Variants in CSMD1 observed in about 807,000 individuals in gnomAD.
CSMD1 encodes CUB and sushi domain-containing protein 1.
Under a neutral mutation model 417.5 loss-of-function variants are expected in CSMD1, and 213 were observed. That is an observed-to-expected ratio of 0.51 (90% CI 0.46 to 0.57). The LOEUF (loss-of-function observed/expected upper bound fraction) is 0.57, where lower values mean the gene tolerates loss of function less well. Among genes scored for constraint, CSMD1 ranks in the 20% least tolerant of loss-of-function variants. CSMD1 has a pLI of 0.00. For synonymous variants in CSMD1, 2,862 were observed against 1,736.8 expected (o/e 1.65, Z -16.11); for missense variants, 6,923 against 4,529.7 (o/e 1.53, Z -15.17).
rs988263430 is a variant in CSMD1 at position 4,146,818 on chromosome 8, G to T, written c.416-114719C>A. Among the ~76,000 whole-genome samples the T allele has an allele frequency of 2.7e-5, 4 of 149,516 alleles. No individual in the cohort carries two copies. The South Asian group carries it at 8.3e-4, about 31-fold the overall frequency. On this transcript the variant is annotated intron_variant, in intron 3 of 69. Transcript: ENST00000635120. Reference sequence around the variant, plus strand: ...AGTAGAGACGAGTTTCACCGTGTTAGGCAGGATAGTCTCGATCTCCTGACC... The same window carrying T: ...AGTAGAGACGAGTTTCACCGTGTTATGCAGGATAGTCTCGATCTCCTGACC...
chr8:4,423,498 G>A (rs573802457), intron 2 of CSMD1, among the ~76,000 whole-genome samples: 1 of 151,930 alleles, frequency 6.6e-6, no homozygotes, highest in Non-Finnish European at 1.5e-5. Context: ...AATAAGATAA[G>A]CCCAACAGTG....
chr8:3,576,167 C>T (rs1053220115), intron 9 of CSMD1, among the ~76,000 whole-genome samples: 1 of 152,016 alleles, frequency 6.6e-6, no homozygotes, highest in South Asian at 2.1e-4. Flanking sequence ...GGACTTGTGA[C>T]TTAACAAGGG....
chr8:4,079,248 C>A (rs922557122), intron 3 of CSMD1, among the ~76,000 whole-genome samples: 6 of 151,954 alleles, frequency 3.9e-5, no homozygotes, highest in Non-Finnish European at 7.4e-5. Context: ...TAGATATAGC[C>A]CATGGAGAAT....
At chr8:4,311,918 T>G (rs948507171) in intron 3 of CSMD1, among the ~76,000 whole-genome samples, 1 of 151,960 alleles carries the variant, frequency 6.6e-6, no homozygotes, top group East Asian at 1.9e-4. Context: ...ATGACACTTA[T>G]TTACCTGTGT....
chr8:4,952,112 G>T lies in CSMD1; in HGVS notation c.85+42220C>A, dbSNP rs139113754. 9.3e-3 allele frequency among the ~76,000 whole-genome samples: 1,411 copies of T among 151,808 alleles called. 14 individuals are homozygous for T. Among genetic ancestry groups the T allele is most frequent in the African/African-American group, 0.033 (1,350 of 41,462 alleles). ...AATGCATCCCAAATAGATCTGAATA[G>T]TCTTAATTTCACTAAATATCTTGCA... On this transcript the variant is annotated intron_variant, in intron 1 of 69. Coordinates refer to ENST00000635120, the MANE Select transcript of CSMD1 (RefSeq NM_033225.6).
chr8:3,247,398 C>T (rs13269927), intron 26 of CSMD1, among the ~76,000 whole-genome samples: 43 of 152,176 alleles, frequency 2.8e-4, no homozygotes, highest in African/African-American at 1.0e-3. Context: ...CATTGTGACC[C>T]CTCTGCTGAC....
intron 2 of CSMD1, among the ~76,000 whole-genome samples, chr8:4,569,300 C>T (rs1055160882): frequency 1.3e-5 from 2 of 152,050 alleles, no homozygotes; most frequent in South Asian, 4.1e-4. Context: ...GTCTTTAATC[C>T]ATCTTGAGTT....
At chr8:3,353,855 G>T (rs75744528) in intron 21 of CSMD1, among the ~76,000 whole-genome samples, 1,694 of 152,218 alleles carry the variant, frequency 0.011, 81 homozygotes, top group Admixed American at 0.074. Flanking sequence ...TTTTGCAATT[G>T]AATGAAACTA....
At chr8:4,326,653 G>C (rs1017719318) in intron 3 of CSMD1, among the ~76,000 whole-genome samples, 2 of 152,110 alleles carry the variant, frequency 1.3e-5, no homozygotes, top group South Asian at 2.1e-4. Context: ...TCTACCCAAC[G>C]TTTCCTCAAA....
At chr8:3,921,875 G>C (rs191431131) in intron 5 of CSMD1, among the ~76,000 whole-genome samples, 5 of 152,216 alleles carry the variant, frequency 3.3e-5, no homozygotes, top group Non-Finnish European at 5.9e-5. Flanking sequence ...GGTCTGGAAG[G>C]TTCTGCATGT....
chr8:3,832,959 T>TA (rs1337697176), intron 5 of CSMD1, among the ~76,000 whole-genome samples: 2 of 152,196 alleles, frequency 1.3e-5, no homozygotes, highest in African/African-American at 4.8e-5. Context: ...AACAAGTGAA[T>TA]ATCAATAATT....
chr8:3,457,501 C>T (rs1423054538), intron 12 of CSMD1, among the ~76,000 whole-genome samples: 1 of 152,166 alleles, frequency 6.6e-6, no homozygotes, highest in Non-Finnish European at 1.5e-5. Flanking sequence ...CGCATTGGAG[C>T]TGAGTCATCA....
chr8:4,389,776 A>C (rs939638001), intron 3 of CSMD1, among the ~76,000 whole-genome samples: 1 of 152,100 alleles, frequency 6.6e-6, no homozygotes, highest in Non-Finnish European at 1.5e-5. Context: ...TTATTTTTGA[A>C]ACCTATTAAA....
At chr8:3,608,661 G>C (rs951850376) in intron 8 of CSMD1, among the ~76,000 whole-genome samples, 6 of 151,728 alleles carry the variant, frequency 4.0e-5, no homozygotes, top group African/African-American at 1.5e-4. Flanking sequence ...CTACTCAGGA[G>C]GCTGAGGCAG....
Position 3,389,819 on chromosome 8 carries a change from T to C in CSMD1, c.2594-2137A>G, listed in dbSNP as rs117097003. On this transcript the variant is annotated intron_variant, in intron 17 of 69. Coordinates refer to ENST00000635120, the MANE Select transcript of CSMD1 (RefSeq NM_033225.6). Reference sequence around the variant, plus strand: ...ACTGAATAAACTCTTAAGGTCACAATTGATGCTTAGTTCCAATATTATGCC... The same window carrying C: ...ACTGAATAAACTCTTAAGGTCACAACTGATGCTTAGTTCCAATATTATGCC... 2.6e-4 allele frequency among the ~76,000 whole-genome samples: 39 copies of C among 152,340 alleles called. No homozygotes were observed. In the East Asian group the frequency reaches 4.4e-3, roughly 17 times the overall value.
intron 41 of CSMD1, among the ~76,000 whole-genome samples, chr8:3,119,400 A>AC (rs1296922307): frequency 1.3e-5 from 2 of 149,342 alleles, no homozygotes; most frequent in South Asian, 4.4e-4. Context: ...AAAAAAAAAA[A>AC]AAAAAAAAAA....
At chr8:4,985,303 C>T (rs946027137) in intron 1 of CSMD1, among the ~76,000 whole-genome samples, 6 of 152,008 alleles carry the variant, frequency 3.9e-5, no homozygotes, top group African/African-American at 1.4e-4. Context: ...GGTACAACAA[C>T]CCCCCATGAC....
At chr8:4,831,203 T>C (rs766348610) in intron 1 of CSMD1, among the ~76,000 whole-genome samples, 7 of 152,208 alleles carry the variant, frequency 4.6e-5, no homozygotes, top group Non-Finnish European at 7.3e-5. Flanking sequence ...TTGGCAGATG[T>C]CCTTTCATTT....
chr8:4,367,396 C>T (rs369526719), intron 3 of CSMD1, among the ~76,000 whole-genome samples: 1 of 152,048 alleles, frequency 6.6e-6, no homozygotes, highest in Non-Finnish European at 1.5e-5. Flanking sequence ...TCTGGGTCCT[C>T]TCTCATTTTT....
Sources: allele counts gnomAD v4.1 joint callset (sites outside exome capture counted in the v4.1 genomes callset), GRCh38; gene constraint gnomAD v4.1.1; transcripts MANE v1.5; gene names NCBI Gene and HGNC (gene_info 2026-07-23, HGNC 2026-07-21).